The following EPHA6 variants were observed in gnomAD, a reference collection of about 807,000 sequenced individuals.
EPHA6 encodes ephrin type-A receptor 6.
EPHA6 carries 50 observed loss-of-function variants against 112.0 expected under a neutral mutation model. The observed-to-expected ratio is 0.45, with a 90% confidence interval of 0.36 to 0.56. The LOEUF is 0.56. Among genes scored for constraint, EPHA6 ranks in the 20% least tolerant of loss-of-function variants. The probability of loss-of-function intolerance (pLI) is 0.00; values close to 1 mark genes in which losing one functional copy is unlikely to be tolerated. For synonymous variants in EPHA6, 529 were observed against 490.7 expected (o/e 1.08, Z -1.03); for missense variants, 1,280 against 1,417.4 (o/e 0.90, Z 1.56).
rs113292413 is a variant in EPHA6 at position 97,229,420 on chromosome 3, T to C, written c.1270+3001T>C. 3.2e-3 allele frequency among the ~76,000 whole-genome samples: 486 copies of C among 152,320 alleles called. 2 individuals are homozygous for C. The highest frequency in any genetic ancestry group is 0.011 in the African/African-American group (437 of 41,584). Reference sequence around the variant, plus strand: ...TCAGGTGAGAGATGAGGATCCTGTCTCATTCTTCTACGTGTGGCTTGCCAA... The same window carrying C: ...TCAGGTGAGAGATGAGGATCCTGTCCCATTCTTCTACGTGTGGCTTGCCAA... On this transcript the variant is annotated intron_variant, in intron 4 of 17. Coordinates refer to ENST00000389672, the MANE Select transcript of EPHA6 (RefSeq NM_001080448.3).
At chr3:97,717,455 C>A (rs1329756266) in intron 14 of EPHA6, among the ~76,000 whole-genome samples, 13 of 152,132 alleles carry the variant, frequency 8.5e-5, no homozygotes, top group Admixed American at 8.5e-4. Flanking sequence ...AGTCCAAGAT[C>A]AAGGTGCTGA....
chr3:97,249,884 T>G (rs990468810), intron 5 of EPHA6, among the ~76,000 whole-genome samples: 9 of 152,200 alleles, frequency 5.9e-5, no homozygotes, highest in African/African-American at 2.2e-4. Context: ...TCTAGGAATA[T>G]AGCAATAAAG....
At chr3:96,835,664 A>ACC (rs1265020022) in intron 1 of EPHA6, among the ~76,000 whole-genome samples, 1 of 152,002 alleles carries the variant, frequency 6.6e-6, no homozygotes, top group Non-Finnish European at 1.5e-5. Flanking sequence ...AAAGTTCTTG[A>ACC]CCCCGGCTGC....
intron 13 of EPHA6, among the ~76,000 whole-genome samples, chr3:97,619,526 T>C (rs1440207994): frequency 6.6e-6 from 1 of 151,594 alleles, no homozygotes. Context: ...GCCCATTGTC[T>C]CAGCCCAAAA....
chr3:97,410,152 T>A (rs986228566), intron 6 of EPHA6, among the ~76,000 whole-genome samples: 2 of 152,028 alleles, frequency 1.3e-5, no homozygotes, highest in African/African-American at 4.8e-5. Context: ...CTCCTCAATA[T>A]CACACTTTGC....
intron 15 of EPHA6, 26 bp downstream of exon 15, chr3:97,720,436 C>A (rs780639662): frequency 1.9e-6 from 3 of 1,565,510 alleles, no homozygotes; most frequent in Non-Finnish European, 2.6e-6. Flanking sequence ...AGTTAAACTG[C>A]CATTTTGTGA....
chr3:97,086,489 A>G (rs1242197386), intron 3 of EPHA6, among the ~76,000 whole-genome samples: 3 of 152,116 alleles, frequency 2.0e-5, no homozygotes, highest in Non-Finnish European at 4.4e-5. Flanking sequence ...AGTTTTTAAT[A>G]AGTTTTACAA....
At chr3:97,601,767 C>G (rs147344858) in intron 12 of EPHA6, among the ~76,000 whole-genome samples, 15 of 152,156 alleles carry the variant, frequency 9.9e-5, no homozygotes, top group African/African-American at 3.6e-4. Context: ...GACTATTTAA[C>G]AAATATTTTT....
At chr3:97,706,245 CTTTTA>C (rs1475063137) in intron 14 of EPHA6, among the ~76,000 whole-genome samples, 1 of 152,026 alleles carries the variant, frequency 6.6e-6, no homozygotes, top group Non-Finnish European at 1.5e-5. Flanking sequence ...CCCTGTCATC[CTTTTA>C]TTTTAGGAAA....
intron 3 of EPHA6, among the ~76,000 whole-genome samples, chr3:97,132,501 C>T (rs2108330550): frequency 6.6e-6 from 1 of 152,066 alleles, no homozygotes; most frequent in South Asian, 2.1e-4. Context: ...GTAGATGGCT[C>T]CTTACGTGAT....
intron 3 of EPHA6, among the ~76,000 whole-genome samples, chr3:97,099,118 G>C (rs1223536566): frequency 1.3e-5 from 2 of 151,878 alleles, no homozygotes; most frequent in Non-Finnish European, 1.5e-5. Context: ...TTAATGTGAA[G>C]TAATTATTCC....
At chr3:97,169,454 T>A (rs1203501113) in intron 3 of EPHA6, among the ~76,000 whole-genome samples, 1 of 152,166 alleles carries the variant, frequency 6.6e-6, no homozygotes, top group Non-Finnish European at 1.5e-5. Context: ...TCTCTTCTTA[T>A]CCTTCTCCCT....
intron 14 of EPHA6, among the ~76,000 whole-genome samples, chr3:97,666,896 C>T (rs1332282693): frequency 6.6e-6 from 1 of 152,182 alleles, no homozygotes; most frequent in African/African-American, 2.4e-5. Flanking sequence ...TCTTCTTCAG[C>T]TCAACTGAAG....
intron 2 of EPHA6, among the ~76,000 whole-genome samples, chr3:96,975,698 G>C (rs773716621): frequency 6.6e-6 from 1 of 152,078 alleles, no homozygotes; most frequent in Non-Finnish European, 1.5e-5. Flanking sequence ...CATTGAGCAG[G>C]ACACTTAGTT....
At chr3:97,536,598 A>G (rs2092767650) in intron 11 of EPHA6, among the ~76,000 whole-genome samples, 1 of 152,176 alleles carries the variant, frequency 6.6e-6, no homozygotes, top group Admixed American at 6.6e-5. Flanking sequence ...ACTCAAGAAT[A>G]TTGTGGGTTC....
chr3:97,414,566 C>T (rs1025948035), intron 6 of EPHA6, among the ~76,000 whole-genome samples: 125 of 152,036 alleles, frequency 8.2e-4, no homozygotes, highest in African/African-American at 2.7e-3. Context: ...CTTCATTTCC[C>T]GGCTCTGCTA....
chr3:97,688,499 C>T (rs1028959704), intron 14 of EPHA6, among the ~76,000 whole-genome samples: 1 of 145,784 alleles, frequency 6.9e-6, no homozygotes, highest in African/African-American at 2.6e-5. Context: ...ACCGCATGTT[C>T]TCACTCATAG....
chr3:97,021,674 G>C (rs1414785885), intron 3 of EPHA6, among the ~76,000 whole-genome samples: 2 of 152,184 alleles, frequency 1.3e-5, no homozygotes, highest in Non-Finnish European at 2.9e-5. Flanking sequence ...TTTCCTCTGT[G>C]CTTGTGCACT....
At chr3:97,602,103 G>T (rs1416207448) in intron 12 of EPHA6, among the ~76,000 whole-genome samples, 1 of 151,956 alleles carries the variant, frequency 6.6e-6, no homozygotes, top group Non-Finnish European at 1.5e-5. Context: ...TAACATTGCT[G>T]CTCTTTAATG....
Sources: gnomAD v4.1 joint callset for allele counts (sites outside exome capture counted in the v4.1 genomes callset) on GRCh38, gnomAD v4.1.1 for gene constraint, MANE v1.5 for transcripts, NCBI Gene and HGNC (gene_info 2026-07-23, HGNC 2026-07-21) for gene names.